LRP1B: variants seen among roughly 807,000 people sequenced by gnomAD.
LRP1B encodes the protein low-density lipoprotein receptor-related protein 1B.
In LRP1B, 217 loss-of-function variants were observed where a neutral mutation model predicts 556.6. That is an observed-to-expected ratio of 0.39 (90% CI 0.35 to 0.44). The LOEUF (loss-of-function observed/expected upper bound fraction) is 0.44. Ranked by LOEUF, LRP1B falls within the 20% of genes least tolerant of loss-of-function variation. The pLI is 1.00. For missense variants in LRP1B, 5,053 were observed against 5,620.8 expected (o/e 0.90, Z 3.23); for synonymous variants, 2,047 against 1,865.8 (o/e 1.10, Z -2.50).
At chr2:141,550,392 T>C (rs191262526) in intron 2 of LRP1B, among the ~76,000 whole-genome samples, 8 of 152,302 alleles carry the variant, frequency 5.3e-5, no homozygotes, top group African/African-American at 1.9e-4. Context: ...TTTCTCATTC[T>C]ACAATACGTA....
intron 2 of LRP1B, among the ~76,000 whole-genome samples, chr2:141,558,746 A>G (rs1267013322): frequency 6.6e-6 from 1 of 151,806 alleles, no homozygotes; most frequent in African/African-American, 2.4e-5. Context: ...GGCAATCTCT[A>G]ATCAGTATCT....
rs182801701 is a variant in LRP1B, at chr2:141,036,079, C to A, written c.1789+12907G>T. Among the ~76,000 whole-genome samples, 88 of 152,060 alleles carry A rather than the reference C, an allele frequency of 5.8e-4. 1 individual carries two copies. The highest frequency in any genetic ancestry group is 2.1e-3 in the African/African-American group (87 of 41,494). On this transcript the variant is annotated intron_variant, in intron 11 of 90. Transcript: ENST00000389484. ...GTAAACCCAATAATCTACAAGATCACAAATTTACTTGAATCCAAACAAAAG... is the reference window on the plus strand; with the variant it reads ...GTAAACCCAATAATCTACAAGATCAAAAATTTACTTGAATCCAAACAAAAG...
intron 1 of LRP1B, among the ~76,000 whole-genome samples, chr2:141,956,395 C>T (rs1228405331): frequency 1.3e-5 from 2 of 151,956 alleles, no homozygotes; most frequent in Non-Finnish European, 2.9e-5. Flanking sequence ...CACTCATTAC[C>T]TGATAATATT....
At chr2:141,961,171 A>G (rs959657848) in intron 1 of LRP1B, among the ~76,000 whole-genome samples, 2 of 151,710 alleles carry the variant, frequency 1.3e-5, no homozygotes, top group African/African-American at 4.8e-5. Context: ...TTAAATTTAA[A>G]TGAATTTCCT....
At chr2:142,117,956 T>C (rs548038606) in intron 1 of LRP1B, among the ~76,000 whole-genome samples, 5 of 152,254 alleles carry the variant, frequency 3.3e-5, no homozygotes, top group African/African-American at 9.6e-5. Flanking sequence ...CTGAGTGCCA[T>C]TGCTTGACAT....
Position 140,394,296 on chromosome 2 carries a change from C to T in LRP1B, c.10415-8287G>A, listed in dbSNP as rs79417345. ...ACTACCACAAGGGAGGACGGCCTGA[C>T]CTAGGGTGGCGTACTGTCTACTGCC... On this transcript the variant is annotated intron_variant, in intron 66 of 90. Transcript: ENST00000389484. Among the ~76,000 whole-genome samples the T allele has an allele frequency of 7.9e-3, 1,209 of 152,176 alleles. 16 individuals carry two copies. Among genetic ancestry groups the T allele is most frequent in the Non-Finnish European group, 9.9e-3 (674 of 68,004 alleles).
chr2:140,689,652 AT>A (rs1472919524), intron 41 of LRP1B, among the ~76,000 whole-genome samples: 4 of 152,178 alleles, frequency 2.6e-5, no homozygotes, highest in African/African-American at 9.7e-5. Context: ...ATGAATCACT[AT>A]TCCCAAGTCC....
intron 20 of LRP1B, among the ~76,000 whole-genome samples, 180 bp from the exon 21 acceptor site, chr2:140,923,327 C>T (rs1559196897): frequency 6.6e-6 from 1 of 151,854 alleles, no homozygotes; most frequent in African/African-American, 2.4e-5. Context: ...CTAGTATTTT[C>T]TAATTCATTT....
At chr2:141,600,999 C>A (rs1377598364) in intron 2 of LRP1B, among the ~76,000 whole-genome samples, 2 of 152,150 alleles carry the variant, frequency 1.3e-5, no homozygotes, top group Non-Finnish European at 2.9e-5. Context: ...GACAAGCACA[C>A]CTATATCTAT....
At chr2:140,429,491 T>A (rs1461895372) in intron 66 of LRP1B, among the ~76,000 whole-genome samples, 1 of 152,172 alleles carries the variant, frequency 6.6e-6, no homozygotes, top group African/African-American at 2.4e-5. Flanking sequence ...TTACCTGGGC[T>A]GTACTGCCAC....
At chr2:141,676,068 C>A (rs1690863024) in intron 2 of LRP1B, among the ~76,000 whole-genome samples, 1 of 152,006 alleles carries the variant, frequency 6.6e-6, no homozygotes, top group Admixed American at 6.6e-5. Flanking sequence ...ATGTTTCCAC[C>A]ATATAAAACT....
At chr2:141,297,744 C>T (rs1184194296) in intron 3 of LRP1B, among the ~76,000 whole-genome samples, 1 of 152,094 alleles carries the variant, frequency 6.6e-6, no homozygotes, top group Non-Finnish European at 1.5e-5. Flanking sequence ...TGAAGGACCC[C>T]ATATACAACG....
intron 3 of LRP1B, among the ~76,000 whole-genome samples, chr2:141,265,372 C>T (rs1413312238): frequency 6.6e-6 from 1 of 152,120 alleles, no homozygotes; most frequent in African/African-American, 2.4e-5. Context: ...TGGACTGCAG[C>T]GCGACCCCCT....
intron 4 of LRP1B, among the ~76,000 whole-genome samples, chr2:141,249,015 T>G (rs915732906): frequency 4.6e-5 from 7 of 152,138 alleles, no homozygotes; most frequent in Non-Finnish European, 2.9e-5. Context: ...GTAAGAAGTA[T>G]AGATTTGAAT....
rs780826127 is a variant in LRP1B, at chr2:141,888,627, C to A, written c.83-78226G>T. 4.1e-4 allele frequency among the ~76,000 whole-genome samples: 63 copies of A among 152,064 alleles called. 1 individual carries two copies. The highest frequency in any genetic ancestry group is 7.8e-4 in the Non-Finnish European group (53 of 68,024). On this transcript the variant is annotated intron_variant, in intron 1 of 90. Coordinates refer to ENST00000389484, the MANE Select transcript of LRP1B (RefSeq NM_018557.3). ...ACCTTCCACAGACAAGAAAATTCCA[C>A]AACATTCTAAAAGATGAAAAGCATA...
At chr2:141,067,769 C>T (rs571536724) in intron 7 of LRP1B, among the ~76,000 whole-genome samples, 2 of 151,930 alleles carry the variant, frequency 1.3e-5, no homozygotes, top group African/African-American at 4.8e-5. Flanking sequence ...TCACTAGGAC[C>T]CTTTCTCTCA....
At chr2:141,975,048 T>C (rs1701847605) in intron 1 of LRP1B, among the ~76,000 whole-genome samples, 1 of 152,088 alleles carries the variant, frequency 6.6e-6, no homozygotes. Context: ...GAATGTATTG[T>C]GACATTGCAT....
At chr2:141,422,150 G>GT (rs1458448667) in intron 3 of LRP1B, among the ~76,000 whole-genome samples, 1 of 152,182 alleles carries the variant, frequency 6.6e-6, no homozygotes, top group African/African-American at 2.4e-5. Context: ...GATAACAAGA[G>GT]TACCTGTCAG....
intron 41 of LRP1B, among the ~76,000 whole-genome samples, chr2:140,686,656 T>C (rs1004715054): frequency 6.6e-6 from 1 of 151,904 alleles, no homozygotes; most frequent in Non-Finnish European, 1.5e-5. Context: ...ACAACAGGAA[T>C]GTTTCATAAA....
Sources: allele counts gnomAD v4.1 joint callset (sites outside exome capture counted in the v4.1 genomes callset), GRCh38; gene constraint gnomAD v4.1.1; transcripts MANE v1.5; gene names NCBI Gene and HGNC (gene_info 2026-07-23, HGNC 2026-07-21).